The following CLECL1 variants were observed in gnomAD, a reference collection of about 807,000 sequenced individuals.
CLECL1 encodes the protein C-type lectin-like domain family 1.
At chr12:9,714,295 C>T (rs1406100110), downstream of CLECL1, among the ~76,000 whole-genome samples, 3 of 152,134 alleles carry the variant, frequency 2.0e-5, no homozygotes, top group Non-Finnish European at 2.9e-5. Flanking sequence ...TCTTTTTTCA[C>T]GGGAAGCACA....
chr12:9,716,897 CA>C (rs1297483622), intron 2 of CLECL1: 1 of 465,694 alleles, frequency 2.1e-6, no homozygotes, highest in Non-Finnish European at 3.6e-6. Flanking sequence ...ATCTTAGAAT[CA>C]CATGAGAAGT....
At chr12:9,714,873 T>A (rs963353263), downstream of CLECL1, among the ~76,000 whole-genome samples, 1 of 152,254 alleles carries the variant, frequency 6.6e-6, no homozygotes, top group African/African-American at 2.4e-5. Context: ...CTGGAGTCTC[T>A]GGTACTGGCA....
At chr12:9,723,958 C>T (rs1866345272) in intron 3 of CLECL1, among the ~76,000 whole-genome samples, 1 of 149,474 alleles carries the variant, frequency 6.7e-6, no homozygotes, top group Admixed American at 6.6e-5. Flanking sequence ...GAGGCTGAGG[C>T]AAGCAGATTG....
chr12:9,706,916 A>G, the CLECL1 span, among the ~76,000 whole-genome samples: 1 of 152,180 alleles, frequency 6.6e-6, no homozygotes, highest in African/African-American at 2.4e-5. Context: ...AAATAGTTTC[A>G]GTAGGAATGG....
At chr12:9,734,127 T>C (rs1051583058), upstream of CLECL1, among the ~76,000 whole-genome samples, 1 of 152,228 alleles carries the variant, frequency 6.6e-6, no homozygotes, top group Admixed American at 6.5e-5. Context: ...ACTGGTTTTT[T>C]CAATACCCAC....
At chr12:9,713,261 T>G (rs1866212187), downstream of CLECL1, among the ~76,000 whole-genome samples, 1 of 152,200 alleles carries the variant, frequency 6.6e-6, no homozygotes, top group African/African-American at 2.4e-5. Flanking sequence ...GATTTTTAAC[T>G]AATTTTCAAC....
chr12:9,727,814 C>T (rs1866397441), intron 2 of CLECL1, among the ~76,000 whole-genome samples: 1 of 151,694 alleles, frequency 6.6e-6, no homozygotes, highest in Non-Finnish European at 1.5e-5. Flanking sequence ...AAGAGAAAAA[C>T]ATAACTACTC....
At chr12:9,729,732 G>A (rs982511) in intron 1 of CLECL1, among the ~76,000 whole-genome samples, 136,180 of 152,132 alleles carry the variant, frequency 0.9, 61,018 homozygotes, top group East Asian at 0.97. Flanking sequence ...CTTAGATGGT[G>A]AGAGGTAGGA....
chr12:9,733,879 A>G (rs1866485163), upstream of CLECL1, among the ~76,000 whole-genome samples: 1 of 152,254 alleles, frequency 6.6e-6, no homozygotes, highest in Non-Finnish European at 1.5e-5. Flanking sequence ...TCAGGGTCCT[A>G]TTAGTTGATG....
At chr12:9,712,234 A>C (rs1054421863), downstream of CLECL1, among the ~76,000 whole-genome samples, 1 of 152,218 alleles carries the variant, frequency 6.6e-6, no homozygotes, top group Admixed American at 6.5e-5. Flanking sequence ...TTGTCTCCTC[A>C]TCCCCATAGT....
At chr12:9,730,622 T>A (rs987765966) in intron 1 of CLECL1, among the ~76,000 whole-genome samples, 1 of 152,170 alleles carries the variant, frequency 6.6e-6, no homozygotes, top group African/African-American at 2.4e-5. Flanking sequence ...ACAGTCAAAA[T>A]TGTGGGAGTC....
At chr12:9,712,418 C>T (rs1187486016), downstream of CLECL1, among the ~76,000 whole-genome samples, 1 of 152,238 alleles carries the variant, frequency 6.6e-6, no homozygotes, top group African/African-American at 2.4e-5. Context: ...CTCACATCTT[C>T]CTATAGTTCT....
chr12:9,711,623 C>T (rs182191535), downstream of CLECL1, among the ~76,000 whole-genome samples: 4 of 152,182 alleles, frequency 2.6e-5, no homozygotes, highest in African/African-American at 9.6e-5. Context: ...AAACCCTCTC[C>T]CCACCCCAGA....
At chr12:9,727,110 C>T (rs1866389379) in intron 3 of CLECL1, among the ~76,000 whole-genome samples, 1 of 151,282 alleles carries the variant, frequency 6.6e-6, no homozygotes, top group Non-Finnish European at 1.5e-5. Flanking sequence ...ATTCAAAGGC[C>T]ATCTACTGAC....
At chr12:9,716,906 A>C in intron 2 of CLECL1, 2 of 409,310 alleles carry the variant, frequency 4.9e-6, no homozygotes, top group Non-Finnish European at 8.7e-6. Flanking sequence ...TCACATGAGA[A>C]GTAAACCACA....
upstream of CLECL1, chr12:9,733,157 G>A: frequency 6.2e-7 from 1 of 1,613,970 alleles, no homozygotes; most frequent in Non-Finnish European, 8.5e-7. Flanking sequence ...CCAAGTGGGT[G>A]GTGGACTTCC....
At chr12:9,707,974 G>T in the CLECL1 span, among the ~76,000 whole-genome samples, 1 of 152,298 alleles carries the variant, frequency 6.6e-6, no homozygotes, top group Admixed American at 6.5e-5. Flanking sequence ...CATGTCGACA[G>T]CCACAGGTAC....
chr12:9,730,927 C>A (rs115729398), intron 1 of CLECL1, among the ~76,000 whole-genome samples: 1,639 of 152,260 alleles, frequency 0.011, 28 homozygotes, highest in African/African-American at 0.034. Flanking sequence ...CTCAAGCGAT[C>A]CTCCTTCCTC....
the CLECL1 span, among the ~76,000 whole-genome samples, chr12:9,703,354 T>A: frequency 2.0e-5 from 3 of 151,394 alleles, no homozygotes; most frequent in Admixed American, 1.3e-4. Context: ...ACACACACAC[T>A]CTTAAAATAA....
Sources: gnomAD v4.1 joint callset for allele counts (sites outside exome capture counted in the v4.1 genomes callset) on GRCh38, gnomAD v4.1.1 for gene constraint, MANE v1.5 for transcripts, NCBI Gene and HGNC (gene_info 2026-07-23, HGNC 2026-07-21) for gene names.